Variants in SEC24D observed in about 807,000 individuals in gnomAD.
The protein encoded by SEC24D is SEC24 homolog D, COPII component, also known as protein transport protein Sec24D.
Under a neutral mutation model 116.9 loss-of-function variants are expected in SEC24D, and 69 were observed. That is an observed-to-expected ratio of 0.59 (90% CI 0.49 to 0.72). The LOEUF (loss-of-function observed/expected upper bound fraction) is 0.72, where lower values mean the gene tolerates loss of function less well. Ranked by LOEUF, SEC24D falls within the 30% of genes least tolerant of loss-of-function variation. The pLI, the probability that SEC24D is intolerant of heterozygous loss-of-function variation, is 0.00. For missense variants in SEC24D, 1,131 were observed against 1,264.1 expected (o/e 0.89, Z 1.60); for synonymous variants, 405 against 442.8 (o/e 0.91, Z 1.07).
chr4:118,760,256 C>T (rs1727306004), intron 10 of SEC24D: 1 of 152,288 alleles, frequency 6.6e-6, no homozygotes, highest in South Asian at 2.1e-4. Context: ...CAACCATTAC[C>T]ACCATCCATC....
At position 118,824,681 on chromosome 4, in the gene SEC24D, G is replaced by T; in HGVS notation, c.187C>A (p.Pro63Thr). 1.2e-6 allele frequency: 2 copies of T among 1,609,322 alleles called. No homozygotes were observed. The highest frequency in any genetic ancestry group is 1.7e-6 in the Non-Finnish European group (2 of 1,178,028). Residue 63 changes from proline (P) to threonine (T), a missense_variant, in exon 3 of 23, where the codon CCT becomes ACT. Coordinates refer to ENST00000280551, the MANE Select transcript of SEC24D (RefSeq NM_014822.4). ...TRGMLPPGPP[P>T]PGPHQFGQNG... ...TGACCAAACTGATGGGGTCCAGGAG[G>T]TGGGGGACCCGGAGGCAACATTCCC...
At chr4:118,805,813 T>G (rs1729650841) in intron 7 of SEC24D, 30 bp downstream of exon 7, 1 of 1,352,866 alleles carries the variant, frequency 7.4e-7, no homozygotes, top group Non-Finnish European at 1.0e-6. Context: ...TTTTAAAACC[T>G]TAATAAATGG....
intron 13 of SEC24D, among the ~76,000 whole-genome samples, chr4:118,751,524 A>G (rs1726835261): frequency 6.6e-6 from 1 of 152,114 alleles, no homozygotes; most frequent in Non-Finnish European, 1.5e-5. Context: ...TATGAGAATG[A>G]TCAGAGTCAT....
At chr4:118,787,487 A>G (rs1728703203) in intron 8 of SEC24D, among the ~76,000 whole-genome samples, 1 of 152,234 alleles carries the variant, frequency 6.6e-6, no homozygotes, top group South Asian at 2.1e-4. Context: ...ATGAAAATGC[A>G]TAGTCTCCCA....
rs191846843 is a variant in SEC24D at position 118,743,795 on chromosome 4, C to A, written c.1995+193G>T. Among the ~76,000 whole-genome samples, 664 of 152,230 alleles carry A rather than the reference C, an allele frequency of 4.4e-3. 4 individuals carry two copies. The highest frequency in any genetic ancestry group is 7.2e-3 in the Non-Finnish European group (492 of 68,006). On this transcript the variant is annotated intron_variant, in intron 15 of 22. Transcript: ENST00000280551. ...ATATTTGGTTCTGAGTATTTTTGAT[C>A]CGAGGTTGGTTGAAGCCAAGATGCA...
intron 9 of SEC24D, among the ~76,000 whole-genome samples, chr4:118,767,736 A>G (rs1727705798): frequency 6.6e-6 from 1 of 152,182 alleles, no homozygotes; most frequent in Non-Finnish European, 1.5e-5. Flanking sequence ...AAAAATCTAT[A>G]TAAGTGTTAA....
In SEC24D at chr4:118,723,602, C is replaced by T; in HGVS notation, c.3012G>A (p.Leu1004=). ...CTCCGTAAAGTCCTTTGTCTTCTAC[C>T]AGGAACTGTCGGAAAACCATTTCTG... ...EQPEMVFRQF[L]VEDKGLYGGS... is the part of the protein sequence containing the mutation. Residue 1004 remains leucine, a synonymous_variant, in exon 23 of 23, where the codon CTG becomes CTA. Coordinates refer to ENST00000280551, the MANE Select transcript of SEC24D (RefSeq NM_014822.4). 1 of 1,613,578 alleles carries T rather than the reference C, an allele frequency of 6.2e-7. No individual in the cohort carries two copies. Among genetic ancestry groups the T allele is most frequent in the Non-Finnish European group, 8.5e-7 (1 of 1,179,738 alleles).
At chr4:118,750,980 G>A (rs1485851743) in intron 13 of SEC24D, among the ~76,000 whole-genome samples, 2 of 151,920 alleles carry the variant, frequency 1.3e-5, no homozygotes, top group East Asian at 1.9e-4. Flanking sequence ...AAAATTATGT[G>A]GGAAGTGTCT....
At chr4:118,750,226 A>G (rs1726754809) in intron 13 of SEC24D, among the ~76,000 whole-genome samples, 1 of 152,224 alleles carries the variant, frequency 6.6e-6, no homozygotes. Flanking sequence ...CATGGCTATT[A>G]AGAACATACT....
At chr4:118,789,592 TTTA>T (rs1342488786) in intron 8 of SEC24D, among the ~76,000 whole-genome samples, 1 of 152,228 alleles carries the variant, frequency 6.6e-6, no homozygotes, top group Non-Finnish European at 1.5e-5. Context: ...TTTATTTATT[TTTA>T]TTTTTTTGAG....
intron 8 of SEC24D, among the ~76,000 whole-genome samples, chr4:118,784,327 A>C (rs193150276): frequency 6.6e-6 from 1 of 152,334 alleles, no homozygotes; most frequent in East Asian, 1.9e-4. Context: ...ATCAAAATAA[A>C]AGTTGATAAA....
chr4:118,806,639 T>G (rs1729691002), intron 6 of SEC24D, among the ~76,000 whole-genome samples: 1 of 150,836 alleles, frequency 6.6e-6, no homozygotes, highest in Non-Finnish European at 1.5e-5. Flanking sequence ...GGCCAGCATT[T>G]TCTTAAAAAA....
At chr4:118,732,182 C>T (rs1020441383) in intron 20 of SEC24D, among the ~76,000 whole-genome samples, 1 of 152,046 alleles carries the variant, frequency 6.6e-6, no homozygotes, top group Non-Finnish European at 1.5e-5. Flanking sequence ...TGCTCTGTCA[C>T]CCAGGCTGGA....
intron 19 of SEC24D, among the ~76,000 whole-genome samples, chr4:118,734,826 C>T (rs1363606117): frequency 6.6e-6 from 1 of 152,140 alleles, no homozygotes; most frequent in Non-Finnish European, 1.5e-5. Flanking sequence ...TTTTCTCTAG[C>T]ATAATATATC....
intron 14 of SEC24D, among the ~76,000 whole-genome samples, chr4:118,744,497 C>G (rs1424324906): frequency 6.6e-6 from 1 of 152,160 alleles, no homozygotes; most frequent in Non-Finnish European, 1.5e-5. Flanking sequence ...TAGTTGGGTC[C>G]CTATATCCAT....
intron 6 of SEC24D, among the ~76,000 whole-genome samples, chr4:118,808,136 T>C (rs116094766): frequency 0.044 from 6,654 of 152,200 alleles, 203 homozygotes; most frequent in Non-Finnish European, 0.064. Context: ...AATTTTTAAA[T>C]TTTTTGTAGA....
In SEC24D at chr4:118,814,343, G is replaced by C. The variant is rs1314701753; in HGVS notation, c.801+685C>G. 2.0e-5 allele frequency among the ~76,000 whole-genome samples: 3 copies of C among 152,314 alleles called. No individual in the cohort carries two copies. In the East Asian group the frequency reaches 5.8e-4, roughly 29 times the overall value. ...GCCACAAAATAGCATGTCCTCAGTA[G>C]TGTTTGCCTCTTCACGCTGGATTTT... is the stretch of plus-strand genomic sequence containing the variant. On this transcript the variant is annotated intron_variant, in intron 6 of 22. Coordinates refer to ENST00000280551, the MANE Select transcript of SEC24D (RefSeq NM_014822.4).
At chr4:118,745,610 A>G (rs1726479387) in intron 13 of SEC24D, among the ~76,000 whole-genome samples, 1 of 152,216 alleles carries the variant, frequency 6.6e-6, no homozygotes, top group Admixed American at 6.5e-5. Flanking sequence ...AAAGTGTGGG[A>G]TCAAGATTAT....
intron 19 of SEC24D, among the ~76,000 whole-genome samples, chr4:118,737,622 C>G (rs1408368048): frequency 6.6e-6 from 1 of 152,092 alleles, no homozygotes; most frequent in Non-Finnish European, 1.5e-5. Flanking sequence ...TGCCATCTAA[C>G]TTTTATTGAC....
Sources: gnomAD v4.1 joint callset for allele counts (sites outside exome capture counted in the v4.1 genomes callset) on GRCh38, gnomAD v4.1.1 for gene constraint, MANE v1.5 for transcripts, NCBI Gene and HGNC (gene_info 2026-07-23, HGNC 2026-07-21) for gene names.